STK4: variants seen among roughly 807,000 people sequenced by gnomAD.
STK4 encodes the protein serine/threonine kinase 4, also known as serine/threonine-protein kinase 4.
A neutral mutation model predicts 64.9 loss-of-function variants in STK4; 30 were observed. The ratio of observed to expected loss-of-function variants is 0.46; its 90% CI spans 0.35 to 0.63. The LOEUF (loss-of-function observed/expected upper bound fraction) is 0.63, where lower values mean the gene tolerates loss of function less well. Ranked by LOEUF, STK4 falls within the 20% of genes least tolerant of loss-of-function variation. The pLI, the probability that STK4 is intolerant of heterozygous loss-of-function variation, is 0.01. For synonymous variants in STK4, 177 were observed against 199.0 expected, an observed-to-expected ratio of 0.89 and a Z score of 0.93; for missense variants, 466 against 598.5, an observed-to-expected ratio of 0.78 and a Z score of 2.31.
intron 10 of STK4, among the ~76,000 whole-genome samples, chr20:45,042,133 A>T (rs2068623360): frequency 1.3e-5 from 2 of 152,198 alleles, no homozygotes; most frequent in Non-Finnish European, 2.9e-5. Context: ...TTTTCAGCTG[A>T]GATGAATGTA....
chr20:44,990,839 A>G (rs144281523), intron 5 of STK4, among the ~76,000 whole-genome samples: 7 of 152,168 alleles, frequency 4.6e-5, no homozygotes, highest in Non-Finnish European at 1.0e-4. Flanking sequence ...CAGGCTTCCT[A>G]TTTGGATGTC....
intron 5 of STK4, among the ~76,000 whole-genome samples, chr20:44,992,855 C>T (rs1204935551): frequency 2.6e-5 from 4 of 151,916 alleles, no homozygotes; most frequent in South Asian, 2.1e-4. Flanking sequence ...CTACCACACC[C>T]GGCTAATTTT....
chr20:45,048,600 C>T (rs535764000), intron 10 of STK4, among the ~76,000 whole-genome samples: 6 of 151,940 alleles, frequency 3.9e-5, no homozygotes, highest in East Asian at 3.9e-4. Context: ...CTGCCTCCTG[C>T]GTTCAGGTGG....
chr20:44,987,333 TTCTG>T, intron 5 of STK4, 37 bp downstream of exon 5: 1 of 1,573,746 alleles, frequency 6.4e-7, no homozygotes, highest in South Asian at 1.2e-5. Context: ...TAATTTTCAT[TTCTG>T]TCCTGAGAAG....
chr20:45,036,196 TG>T (rs777991301), intron 10 of STK4, among the ~76,000 whole-genome samples: 28 of 152,334 alleles, frequency 1.8e-4, no homozygotes, highest in Admixed American at 6.5e-4. Context: ...ACATACAGTA[TG>T]TCCTTATGAG....
chr20:45,009,660 C>T (rs563536765), intron 9 of STK4, among the ~76,000 whole-genome samples: 7 of 152,098 alleles, frequency 4.6e-5, no homozygotes, highest in South Asian at 2.1e-4. Context: ...TCTTCCTATC[C>T]GTGAGCATAC....
chr20:45,061,615 C>CTTTTTTTTTTTTTTTTTTGTTTTTT (rs1979014011), intron 10 of STK4, among the ~76,000 whole-genome samples: 1 of 93,506 alleles, frequency 1.1e-5, no homozygotes, highest in Non-Finnish European at 2.4e-5. Flanking sequence ...TTTTTTTTTA[C>CTTTTTTTTTTTTTTTTTTGTTTTTT]TTTTAGGTTC....
intron 5 of STK4, among the ~76,000 whole-genome samples, chr20:44,992,647 C>T (rs1160738366): frequency 2.0e-5 from 3 of 152,072 alleles, no homozygotes; most frequent in Admixed American, 1.3e-4. Flanking sequence ...GCTAGGACTA[C>T]AGGCATGTGC....
At chr20:44,980,489 T>C (rs2067417808) in intron 3 of STK4, among the ~76,000 whole-genome samples, 1 of 152,222 alleles carries the variant, frequency 6.6e-6, no homozygotes, top group Non-Finnish European at 1.5e-5. Context: ...TTTCTCTGAA[T>C]TTCTTGTTTG....
At chr20:44,974,643 T>C (rs2067307251) in intron 2 of STK4, 1 of 152,186 alleles carries the variant, frequency 6.6e-6, no homozygotes, top group African/African-American at 2.4e-5. Flanking sequence ...ACTTATTTTT[T>C]GTATTTTAGT....
At chr20:44,985,020 T>C (rs1350281679) in intron 4 of STK4, among the ~76,000 whole-genome samples, 4 of 152,212 alleles carry the variant, frequency 2.6e-5, no homozygotes, top group African/African-American at 9.6e-5. Context: ...TATTAGGCAG[T>C]GCTACTTCAA....
chr20:44,975,407 G>C, intron 2 of STK4: 4 of 983,258 alleles, frequency 4.1e-6, no homozygotes, highest in Non-Finnish European at 4.8e-6. Context: ...GGATGCATAG[G>C]GAGGTATGAA....
intron 10 of STK4, among the ~76,000 whole-genome samples, chr20:45,074,790 T>C (rs572375642): frequency 6.6e-6 from 1 of 152,288 alleles, no homozygotes; most frequent in East Asian, 1.9e-4. Context: ...TCAAAGCGGT[T>C]AGCACTTAGA....
At chr20:45,031,904 C>CAAA (rs11431524) in intron 10 of STK4, among the ~76,000 whole-genome samples, 67 of 75,380 alleles carry the variant, frequency 8.9e-4, no homozygotes, top group African/African-American at 2.3e-3. Context: ...GACTTCATCT[C>CAAA]AAAAAAAAAA....
intron 5 of STK4, among the ~76,000 whole-genome samples, chr20:44,990,104 A>G (rs2067604749): frequency 6.6e-6 from 1 of 152,204 alleles, no homozygotes; most frequent in South Asian, 2.1e-4. Context: ...TTTGGTAGAC[A>G]TTATTTTGAA....
chr20:45,001,035 C>T, intron 8 of STK4, 132 bp from the exon 9 acceptor site: 1 of 999,390 alleles, frequency 1.0e-6, no homozygotes, highest in Non-Finnish European at 1.4e-6. Context: ...GCTTTCATTT[C>T]TGGAAGGTGA....
intron 10 of STK4, among the ~76,000 whole-genome samples, chr20:45,049,781 T>C (rs563083291): frequency 6.6e-6 from 1 of 152,336 alleles, no homozygotes; most frequent in East Asian, 1.9e-4. Context: ...TTCAGCTTTT[T>C]AAGAATTCTC....
At chr20:45,063,957 G>A (rs1488125858) in intron 10 of STK4, among the ~76,000 whole-genome samples, 3 of 152,206 alleles carry the variant, frequency 2.0e-5, no homozygotes, top group East Asian at 1.9e-4. Context: ...ACAGGCGCCC[G>A]CCACTATGCC....
chr20:45,071,070 A>T (rs1980024899), intron 10 of STK4, among the ~76,000 whole-genome samples: 1 of 152,162 alleles, frequency 6.6e-6, no homozygotes. Context: ...CAGCCAAACC[A>T]TATCACAGAT....
Sources: gnomAD v4.1 joint callset for allele counts (sites outside exome capture counted in the v4.1 genomes callset) on GRCh38, gnomAD v4.1.1 for gene constraint, MANE v1.5 for transcripts, NCBI Gene and HGNC (gene_info 2026-07-23, HGNC 2026-07-21) for gene names.